Variants in IKBKG observed in about 807,000 individuals in gnomAD.
IKBKG encodes inhibitor of nuclear factor kappa B kinase regulatory subunit gamma, also known as NF-kappa-B essential modulator.
In IKBKG, 2 loss-of-function variants were observed where a neutral mutation model predicts 13.7. The ratio of observed to expected loss-of-function variants is 0.15; its 90% CI spans 0.06 to 0.46. The LOEUF is 0.46. IKBKG is among the 20% of genes least tolerant of loss of function. IKBKG has a pLI of 0.98. For synonymous variants in IKBKG, 22 were observed against 64.4 expected (o/e 0.34, Z 3.15); for missense variants, 53 against 150.3 (o/e 0.35, Z 3.39).
upstream of IKBKG, chrX:154,547,365 G>A (rs1197342447): frequency 1.2e-5 from 9 of 754,446 alleles, no homozygotes; most frequent in East Asian, 4.5e-4. Context: ...CCCCGGAGAG[G>A]GCGGGGCGGC....
upstream of IKBKG, chrX:154,546,725 G>T: frequency 1.1e-6 from 1 of 941,753 alleles, no homozygotes; most frequent in Non-Finnish European, 1.5e-6. Flanking sequence ...GTATTTTACC[G>T]CCGCGCGGCG....
At chrX:154,543,138 A>C (rs1557232374), upstream of IKBKG, among the ~76,000 whole-genome samples, 1 of 111,936 alleles carries the variant, frequency 8.9e-6, no homozygotes, top group Non-Finnish European at 1.9e-5. Context: ...TCTCCCCCAC[A>C]GCAGGAAGAG....
In IKBKG at chrX:154,551,564, C is replaced by G. The variant is rs201606876; in HGVS notation, c.-15-424C>G. ...CTGCAAAGACCCTTTTCCCGAATCA[C>G]ATATGTTTCAGGGGTTAGAACATGG... is the stretch of plus-strand genomic sequence containing the variant. On this transcript the variant is annotated intron_variant, in intron 1 of 9. Transcript: ENST00000594239. Among the ~76,000 whole-genome samples the G allele has an allele frequency of 6.3e-5, 7 of 111,898 alleles. No individual in the cohort carries two copies. The East Asian group carries it at 1.7e-3, about 27-fold the overall frequency.
At chrX:154,548,410 G>C (rs188320214) in intron 1 of IKBKG, among the ~76,000 whole-genome samples, 6 of 112,477 alleles carry the variant, frequency 5.3e-5, no homozygotes, top group Non-Finnish European at 1.1e-4. Flanking sequence ...TAGCAGTGGT[G>C]GGGAGAACAG....
chrX:154,542,692 G>A (rs958639915), upstream of IKBKG, among the ~76,000 whole-genome samples: 1 of 112,086 alleles, frequency 8.9e-6, no homozygotes, highest in East Asian at 2.8e-4. Context: ...CCTGCTTTCA[G>A]TTTCTAGGTC....
At chrX:154,542,956 G>A (rs1260667457), upstream of IKBKG, among the ~76,000 whole-genome samples, 5 of 112,067 alleles carry the variant, frequency 4.5e-5, no homozygotes, top group African/African-American at 1.3e-4. Context: ...GTACCCAATC[G>A]CTGTCTGCTC....
chrX:154,549,238 C>G (rs943842280), intron 1 of IKBKG, among the ~76,000 whole-genome samples: 1 of 110,177 alleles, frequency 9.1e-6, no homozygotes, highest in Admixed American at 9.7e-5. Flanking sequence ...GCCTCGGCCT[C>G]CCAAAGTGCT....
At chrX:154,545,949 TG>T, upstream of IKBKG, 1 of 1,111,119 alleles carries the variant, frequency 9.0e-7, no homozygotes. Flanking sequence ...GCAGAGCCTG[TG>T]GGGCCCTGCA....
intron 2 of IKBKG, among the ~76,000 whole-genome samples, chrX:154,554,688 G>T (rs2071015163): frequency 9.0e-6 from 1 of 111,215 alleles, no homozygotes; most frequent in Non-Finnish European, 1.9e-5. Flanking sequence ...CCCAGGAGGT[G>T]GAGGTTGCAG....
intron 2 of IKBKG, among the ~76,000 whole-genome samples, chrX:154,555,488 C>T (rs997024972): frequency 1.8e-5 from 2 of 113,003 alleles, no homozygotes; most frequent in African/African-American, 6.4e-5. Flanking sequence ...GGGAGGATTG[C>T]TTGAGGCCAA....
upstream of IKBKG, chrX:154,542,434 A>G: frequency 8.4e-7 from 1 of 1,187,050 alleles, no homozygotes; most frequent in Non-Finnish European, 1.1e-6. Context: ...ACAAGGCCAG[A>G]GCTTTCTGGA....
upstream of IKBKG, chrX:154,546,967 CG>C: frequency 3.1e-6 from 1 of 318,157 alleles, no homozygotes; most frequent in Non-Finnish European, 4.8e-6. Context: ...CTCGTGCGGG[CG>C]GGGCGGGGCG....
chrX:154,545,241 T>C (rs1261750565), upstream of IKBKG, among the ~76,000 whole-genome samples: 1 of 110,881 alleles, frequency 9.0e-6, no homozygotes, highest in African/African-American at 3.3e-5. Context: ...AGCTGGACAA[T>C]TGGGGCCAGG....
At chrX:154,554,815 G>C (rs1557235676) in intron 2 of IKBKG, among the ~76,000 whole-genome samples, 1 of 111,904 alleles carries the variant, frequency 8.9e-6, no homozygotes, top group Non-Finnish European at 1.9e-5. Context: ...GGATTCTGAT[G>C]GGGGGTGGAT....
chrX:154,547,587 GT>G (rs782492736), upstream of IKBKG: 64 of 754,136 alleles, frequency 8.5e-5, no homozygotes, highest in Non-Finnish European at 9.7e-5. Context: ...CGGGGCTTGT[GT>G]TTTTACTTCC....
At position 154,562,872 on chromosome X, in the gene IKBKG, A is replaced by G; in HGVS notation, c.831A>G (p.Lys277=). The stretch of plus-strand genomic sequence containing the variant: ...AGGCCGAGGAGGCCCTGGTGGCCAA[A>G]CAGGAGGTGATCGATAAGCTGAAGG... The part of the protein sequence containing the change: ...LQQAEEALVA[K]QEVIDKLKEE... The change falls in exon 7 of 10, where the codon AAA becomes AAG. Residue 277 remains lysine, a synonymous_variant. Coordinates refer to ENST00000594239, the MANE Select transcript of IKBKG (RefSeq NM_001099857.5). 3.2e-6 allele frequency: 1 copy of G among 313,396 alleles called. No individual in the cohort carries two copies. The highest frequency in any genetic ancestry group is 5.4e-6 in the Non-Finnish European group (1 of 184,101). 25.8% of individuals were successfully genotyped at this position (313,396 alleles called of 1,213,427 possible).
At chrX:154,551,731 A>T (rs2070938703) in intron 1 of IKBKG, among the ~76,000 whole-genome samples, 1 of 109,303 alleles carries the variant, frequency 9.1e-6, no homozygotes, top group African/African-American at 3.3e-5. Context: ...TCTTGTCCCG[A>T]CTCTCCCATC....
upstream of IKBKG, among the ~76,000 whole-genome samples, chrX:154,546,521 G>C (rs1035139290): frequency 9.0e-6 from 1 of 111,623 alleles, no homozygotes; most frequent in Non-Finnish European, 1.9e-5. Flanking sequence ...ACTCCACAAT[G>C]ACCTGGAGCA....
chrX:154,549,462 T>G (rs1200734146), intron 1 of IKBKG, among the ~76,000 whole-genome samples: 2 of 107,935 alleles, frequency 1.9e-5, no homozygotes, highest in Non-Finnish European at 1.9e-5. Flanking sequence ...GTATTTTTGG[T>G]AAATACAGGG....
Sources: allele counts gnomAD v4.1 joint callset (sites outside exome capture counted in the v4.1 genomes callset), GRCh38; gene constraint gnomAD v4.1.1; transcripts MANE v1.5; gene names NCBI Gene and HGNC (gene_info 2026-07-23, HGNC 2026-07-21).